AGTPBP1: variants seen among roughly 807,000 people sequenced by gnomAD.
AGTPBP1 encodes the protein cytosolic carboxypeptidase 1.
Under a neutral mutation model 143.9 loss-of-function variants are expected in AGTPBP1, and 70 were observed. That is an observed-to-expected ratio of 0.49 (90% CI 0.40 to 0.59). The LOEUF (loss-of-function observed/expected upper bound fraction) is 0.59. AGTPBP1 is among the 20% of genes least tolerant of loss of function. AGTPBP1 has a pLI of 0.00. For missense variants in AGTPBP1, 1,229 were observed against 1,464.5 expected, an observed-to-expected ratio of 0.84 and a Z score of 2.62; for synonymous variants, 463 against 500.2, an observed-to-expected ratio of 0.93 and a Z score of 0.99.
At chr9:85,760,352 T>C in the AGTPBP1 span, among the ~76,000 whole-genome samples, 2 of 152,118 alleles carry the variant, frequency 1.3e-5, no homozygotes, top group Non-Finnish European at 2.9e-5. Context: ...TTGATGAACA[T>C]CGATGCAAAA....
At chr9:85,599,766 G>C (rs1283066694) in intron 17 of AGTPBP1, among the ~76,000 whole-genome samples, 2 of 152,168 alleles carry the variant, frequency 1.3e-5, no homozygotes, top group African/African-American at 4.8e-5. Context: ...CAGTTTGTTG[G>C]CAGTGACAAA....
chr9:85,573,068 C>T (rs1436579139), intron 25 of AGTPBP1, among the ~76,000 whole-genome samples: 1 of 151,168 alleles, frequency 6.6e-6, no homozygotes, highest in African/African-American at 2.4e-5. Flanking sequence ...ATGACATGAA[C>T]TCCCTCTCCC....
intron 19 of AGTPBP1, among the ~76,000 whole-genome samples, chr9:85,591,195 G>T (rs150186131): frequency 5.3e-5 from 8 of 151,344 alleles, no homozygotes; most frequent in African/African-American, 1.7e-4. Context: ...AAAAAAAAAG[G>T]GGGGGAGTAC....
intron 25 of AGTPBP1, among the ~76,000 whole-genome samples, chr9:85,570,481 A>G (rs1020540133): frequency 3.9e-5 from 6 of 152,202 alleles, no homozygotes; most frequent in Non-Finnish European, 8.8e-5. Context: ...TGATTTGGGA[A>G]AAACTCTCTC....
chr9:85,742,745 T>G (rs78036978), upstream of AGTPBP1, among the ~76,000 whole-genome samples: 1,515 of 152,324 alleles, frequency 9.9e-3, 33 homozygotes, highest in African/African-American at 0.034. Flanking sequence ...ATACACCCCC[T>G]TCTGTTTTGA....
chr9:85,783,700 T>C, the AGTPBP1 span, among the ~76,000 whole-genome samples: 11 of 152,282 alleles, frequency 7.2e-5, no homozygotes, highest in South Asian at 2.3e-3. Flanking sequence ...AGTGGTGCTA[T>C]CTCAGCTCAC....
chr9:85,640,391 C>T (rs577489379), intron 13 of AGTPBP1, among the ~76,000 whole-genome samples: 14 of 152,304 alleles, frequency 9.2e-5, no homozygotes, highest in South Asian at 8.3e-4. Context: ...CTATTACATA[C>T]GCTACAGAAA....
chr9:85,767,349 T>A, the AGTPBP1 span, among the ~76,000 whole-genome samples: 1 of 123,450 alleles, frequency 8.1e-6, no homozygotes, highest in Non-Finnish European at 1.6e-5. Flanking sequence ...GCCCAGCTAA[T>A]TTTTTTTTTT....
chr9:85,707,921 G>A (rs938390336), intron 2 of AGTPBP1, among the ~76,000 whole-genome samples: 1 of 151,994 alleles, frequency 6.6e-6, no homozygotes, highest in Non-Finnish European at 1.5e-5. Context: ...TCGGGGGTGG[G>A]GGGCTAGGGG....
At chr9:85,659,519 G>A (rs983579832) in intron 9 of AGTPBP1, among the ~76,000 whole-genome samples, 1 of 151,370 alleles carries the variant, frequency 6.6e-6, no homozygotes, top group Admixed American at 6.6e-5. Flanking sequence ...TTTTTATTTT[G>A]ATGGAATAAA....
At chr9:85,671,185 C>A (rs775917662) in intron 7 of AGTPBP1, among the ~76,000 whole-genome samples, 1 of 151,890 alleles carries the variant, frequency 6.6e-6, no homozygotes, top group Non-Finnish European at 1.5e-5. Context: ...TGGCCTCAAG[C>A]GGTCCTTCTG....
chr9:85,588,468 A>C lies in AGTPBP1; in HGVS notation c.2733T>G (p.Pro911=). The C allele has an allele frequency of 6.2e-7, 1 of 1,611,090 alleles. No individual in the cohort carries two copies. Among genetic ancestry groups the C allele is most frequent in the Non-Finnish European group, 8.5e-7 (1 of 1,178,902 alleles). ...GTACCCGAGCAGACAAGAAAACGTA[A>C]GGGCGATTTCCTAAAGTACACATAA... ...YEHICHFRNR[P]YVFLSARVHP... is the part of the protein sequence containing the mutation. The change falls in exon 21 of 26, where the codon CCT becomes CCG. Residue 911 remains proline, a synonymous_variant. Coordinates refer to ENST00000357081, the MANE Select transcript of AGTPBP1 (RefSeq NM_001330701.2).
intron 1 of AGTPBP1, among the ~76,000 whole-genome samples, chr9:85,712,804 C>T (rs1032438951): frequency 6.6e-6 from 1 of 152,212 alleles, no homozygotes; most frequent in African/African-American, 2.4e-5. Context: ...GCTACAAAAA[C>T]GCAGAAACCT....
Position 85,666,374 on chromosome 9 carries a change from G to A in AGTPBP1, c.662+3111C>T, listed in dbSNP as rs544196981. Among the ~76,000 whole-genome samples, 4 of 152,216 alleles carry A rather than the reference G, an allele frequency of 2.6e-5. No individual in the cohort carries two copies. In the South Asian group the frequency reaches 8.3e-4, roughly 32 times the overall value. ...CCTCAATCGTCTTCCCATTAAATGT[G>A]GAGCATTGTTTAAAGGGAGGAAGAA... On this transcript the variant is annotated intron_variant, in intron 8 of 25. Transcript: ENST00000357081.
At chr9:85,598,105 T>G (rs1829415208) in intron 17 of AGTPBP1, among the ~76,000 whole-genome samples, 1 of 152,162 alleles carries the variant, frequency 6.6e-6, no homozygotes, top group Non-Finnish European at 1.5e-5. Flanking sequence ...TTTTAAAAAT[T>G]TCCCTTCAAC....
intron 3 of AGTPBP1, among the ~76,000 whole-genome samples, chr9:85,683,070 A>G (rs1246327779): frequency 6.6e-6 from 1 of 152,220 alleles, no homozygotes; most frequent in Non-Finnish European, 1.5e-5. Flanking sequence ...GGAACCTTAC[A>G]TCTTTCAAAA....
intron 25 of AGTPBP1, among the ~76,000 whole-genome samples, chr9:85,551,026 C>T (rs969280829): frequency 1.3e-5 from 2 of 151,948 alleles, no homozygotes; most frequent in Non-Finnish European, 2.9e-5. Flanking sequence ...TGTGTTCATG[C>T]GAGATCTGGT....
At chr9:85,749,885 C>CTT in the AGTPBP1 span, among the ~76,000 whole-genome samples, 3 of 143,126 alleles carry the variant, frequency 2.1e-5, no homozygotes, top group Non-Finnish European at 4.6e-5. Context: ...TCCTGTATCC[C>CTT]TTTTTTTTTT....
intron 17 of AGTPBP1, among the ~76,000 whole-genome samples, chr9:85,614,948 A>G (rs553424893): frequency 1.3e-5 from 2 of 152,280 alleles, no homozygotes; most frequent in South Asian, 4.1e-4. Flanking sequence ...GCCAAAACAG[A>G]GCAACAATGT....
Sources: allele counts gnomAD v4.1 joint callset (sites outside exome capture counted in the v4.1 genomes callset), GRCh38; gene constraint gnomAD v4.1.1; transcripts MANE v1.5; gene names NCBI Gene and HGNC (gene_info 2026-07-23, HGNC 2026-07-21).